SGCZ: variants seen among roughly 807,000 people sequenced by gnomAD.
SGCZ encodes the protein zeta-sarcoglycan.
SGCZ carries 40 observed loss-of-function variants against 41.3 expected under a neutral mutation model. That is an observed-to-expected ratio of 0.97 (90% confidence interval 0.75 to 1.26). The LOEUF (loss-of-function observed/expected upper bound fraction) is 1.26, where lower values mean the gene tolerates loss of function less well. SGCZ is among the 50% of genes most tolerant of loss of function. The probability of loss-of-function intolerance (pLI) is 0.00; values close to 1 mark genes in which losing one functional copy is unlikely to be tolerated. For synonymous variants in SGCZ, 206 were observed against 137.5 expected (o/e 1.50, Z -3.49); for missense variants, 552 against 369.8 (o/e 1.49, Z -4.04).
chr8:14,560,132 C>T (rs1804163865), intron 1 of SGCZ, among the ~76,000 whole-genome samples: 1 of 152,000 alleles, frequency 6.6e-6, no homozygotes, highest in African/African-American at 2.4e-5. Flanking sequence ...TGAGTTCTAG[C>T]ATTTCAGCAG....
intron 1 of SGCZ, among the ~76,000 whole-genome samples, chr8:14,748,838 A>G (rs566994745): frequency 6.6e-6 from 1 of 152,282 alleles, no homozygotes; most frequent in East Asian, 1.9e-4. Flanking sequence ...GACATGTTTT[A>G]TTAATACATT....
chr8:14,803,668 G>T (rs1410840306), intron 1 of SGCZ, among the ~76,000 whole-genome samples: 2 of 151,996 alleles, frequency 1.3e-5, no homozygotes, highest in South Asian at 2.1e-4. Flanking sequence ...GCCCGCCATT[G>T]CCCAGGCTTG....
chr8:15,089,028 T>A (rs570874827), intron 1 of SGCZ, among the ~76,000 whole-genome samples: 1 of 152,274 alleles, frequency 6.6e-6, no homozygotes, highest in African/African-American at 2.4e-5. Flanking sequence ...TAGAAGATAT[T>A]AATGAGCAAC....
chr8:14,445,252 G>A (rs1354471510), intron 2 of SGCZ, among the ~76,000 whole-genome samples: 1 of 152,240 alleles, frequency 6.6e-6, no homozygotes, highest in Non-Finnish European at 1.5e-5. Flanking sequence ...GCAGCCCAAA[G>A]TGGTAACTTC....
At chr8:14,517,785 T>C (rs1308971659) in intron 2 of SGCZ, among the ~76,000 whole-genome samples, 1 of 151,774 alleles carries the variant, frequency 6.6e-6, no homozygotes, top group Non-Finnish European at 1.5e-5. Flanking sequence ...GATATAATTT[T>C]TGATAGCTTT....
chr8:14,254,165 C>G (rs924671020), intron 3 of SGCZ, among the ~76,000 whole-genome samples: 6 of 152,104 alleles, frequency 3.9e-5, no homozygotes, highest in African/African-American at 1.4e-4. Context: ...TGCTTATAAT[C>G]AGCTTGTTCC....
chr8:14,915,636 C>T (rs990812317), intron 1 of SGCZ, among the ~76,000 whole-genome samples: 1 of 152,108 alleles, frequency 6.6e-6, no homozygotes, highest in Non-Finnish European at 1.5e-5. Flanking sequence ...GCACGGCGAC[C>T]AGCCTTCCCC....
At chr8:15,006,980 A>C (rs1802627460) in intron 1 of SGCZ, among the ~76,000 whole-genome samples, 1 of 152,238 alleles carries the variant, frequency 6.6e-6, no homozygotes, top group Non-Finnish European at 1.5e-5. Context: ...TATTTTTCAA[A>C]AAAGGAAATA....
At chr8:14,964,478 A>C (rs1189451353) in intron 1 of SGCZ, among the ~76,000 whole-genome samples, 1 of 152,146 alleles carries the variant, frequency 6.6e-6, no homozygotes, top group Non-Finnish European at 1.5e-5. Context: ...GTTACCTCTA[A>C]AACAAAAAGA....
chr8:14,606,340 C>G (rs376330752), intron 1 of SGCZ, among the ~76,000 whole-genome samples: 2 of 152,110 alleles, frequency 1.3e-5, no homozygotes, highest in Admixed American at 1.3e-4. Context: ...TAAACCTCCT[C>G]AACTCAATAC....
At chr8:14,126,776 C>T (rs1802874297) in intron 5 of SGCZ, among the ~76,000 whole-genome samples, 1 of 152,168 alleles carries the variant, frequency 6.6e-6, no homozygotes, top group Admixed American at 6.5e-5. Context: ...AAATGTGGTG[C>T]ATATACACCA....
At chr8:14,870,953 A>T (rs953043155) in intron 1 of SGCZ, among the ~76,000 whole-genome samples, 2 of 152,184 alleles carry the variant, frequency 1.3e-5, no homozygotes, top group African/African-American at 2.4e-5. Flanking sequence ...CACACCTGTA[A>T]TATCACCACT....
chr8:14,107,072 C>A (rs978268896), intron 6 of SGCZ, among the ~76,000 whole-genome samples: 1 of 151,772 alleles, frequency 6.6e-6, no homozygotes, highest in Non-Finnish European at 1.5e-5. Flanking sequence ...AAAAATTAAC[C>A]GGGCACAATG....
chr8:14,563,969 G>A (rs1375845628), intron 1 of SGCZ, among the ~76,000 whole-genome samples: 4 of 151,946 alleles, frequency 2.6e-5, no homozygotes, highest in African/African-American at 7.2e-5. Flanking sequence ...AATGTTGGAG[G>A]TAAACAGTAA....
intron 5 of SGCZ, among the ~76,000 whole-genome samples, chr8:14,157,349 TGTGTGTGTGTGTGTGA>T (rs1449959185): frequency 7.7e-6 from 1 of 130,448 alleles, no homozygotes; most frequent in African/African-American, 2.9e-5. Flanking sequence ...TGTGTGTGTG[TGTGTGTGTGTGTGTGA>T]GTGTGTGTGT....
At chr8:14,258,824 G>A (rs534877602) in intron 3 of SGCZ, among the ~76,000 whole-genome samples, 2 of 152,250 alleles carry the variant, frequency 1.3e-5, no homozygotes, top group South Asian at 4.1e-4. Context: ...AAATAAATGA[G>A]AAATAGGTCA....
chr8:14,424,652 C>T (rs1231298720), intron 2 of SGCZ, among the ~76,000 whole-genome samples: 4 of 152,140 alleles, frequency 2.6e-5, no homozygotes, highest in African/African-American at 9.7e-5. Context: ...TATTTACATG[C>T]ATGCCGTTAT....
intron 1 of SGCZ, among the ~76,000 whole-genome samples, chr8:15,031,527 T>G (rs1319550760): frequency 6.6e-6 from 1 of 152,172 alleles, no homozygotes; most frequent in Non-Finnish European, 1.5e-5. Flanking sequence ...TTACATGTAT[T>G]AATTCATTCA....
At chr8:14,776,348 T>G (rs1800400674) in intron 1 of SGCZ, among the ~76,000 whole-genome samples, 1 of 152,058 alleles carries the variant, frequency 6.6e-6, no homozygotes, top group Non-Finnish European at 1.5e-5. Flanking sequence ...TAAATGCAAG[T>G]TCCCCTGCAC....
Sources: allele counts gnomAD v4.1 joint callset (sites outside exome capture counted in the v4.1 genomes callset), GRCh38; gene constraint gnomAD v4.1.1; transcripts MANE v1.5; gene names NCBI Gene and HGNC (gene_info 2026-07-23, HGNC 2026-07-21).